Variants in ENTREP2 observed in about 807,000 individuals in gnomAD.
The protein encoded by ENTREP2 is endosomal transmembrane epsin interactor 2.
chr15:29,425,267 T>C, the ENTREP2 span, among the ~76,000 whole-genome samples: 4 of 151,982 alleles, frequency 2.6e-5, no homozygotes, highest in Admixed American at 2.6e-4. Context: ...CTCGATCTCC[T>C]GACCTCATCA....
the ENTREP2 span, among the ~76,000 whole-genome samples, chr15:29,573,389 T>C: frequency 6.6e-6 from 1 of 152,196 alleles, no homozygotes; most frequent in Non-Finnish European, 1.5e-5. Flanking sequence ...AATGAACAAT[T>C]CATGAATAAG....
the ENTREP2 span, among the ~76,000 whole-genome samples, chr15:29,628,490 G>A: frequency 6.6e-6 from 1 of 152,274 alleles, no homozygotes; most frequent in South Asian, 2.1e-4. Context: ...ATACTATGCT[G>A]TTGTCACTTA....
At chr15:29,264,406 A>G in the ENTREP2 span, among the ~76,000 whole-genome samples, 5 of 152,198 alleles carry the variant, frequency 3.3e-5, no homozygotes, top group African/African-American at 1.2e-4. Context: ...ACCTTAAAGG[A>G]GAAAACTCTG....
chr15:29,160,869 T>C, the ENTREP2 span, among the ~76,000 whole-genome samples: 2 of 152,200 alleles, frequency 1.3e-5, no homozygotes, highest in African/African-American at 4.8e-5. Flanking sequence ...TGGGAACCTA[T>C]TATCAGTCAA....
At chr15:29,261,848 A>G in the ENTREP2 span, among the ~76,000 whole-genome samples, 1 of 152,002 alleles carries the variant, frequency 6.6e-6, no homozygotes, top group Non-Finnish European at 1.5e-5. Context: ...TATGAGCAAT[A>G]TTGTAAAGAT....
the ENTREP2 span, among the ~76,000 whole-genome samples, chr15:29,632,622 A>C: frequency 6.6e-6 from 1 of 152,152 alleles, no homozygotes; most frequent in Admixed American, 6.6e-5. Flanking sequence ...TTTCTACTAA[A>C]AAAAATGCAA....
chr15:29,616,748 A>G, the ENTREP2 span, among the ~76,000 whole-genome samples: 1 of 152,200 alleles, frequency 6.6e-6, no homozygotes, highest in Non-Finnish European at 1.5e-5. Context: ...CTCCAGAGAA[A>G]CACACTCAAT....
the ENTREP2 span, among the ~76,000 whole-genome samples, chr15:29,600,504 G>GA: frequency 2.0e-5 from 3 of 151,974 alleles, no homozygotes; most frequent in Admixed American, 1.3e-4. Context: ...CATCATAGAT[G>GA]TGATGATGAT....
At chr15:29,657,073 A>G in the ENTREP2 span, among the ~76,000 whole-genome samples, 1 of 152,006 alleles carries the variant, frequency 6.6e-6, no homozygotes, top group Non-Finnish European at 1.5e-5. Context: ...TTTGAGACCG[A>G]GTCTCCCGCT....
the ENTREP2 span, among the ~76,000 whole-genome samples, chr15:29,647,601 AG>A: frequency 9.2e-5 from 14 of 152,328 alleles, no homozygotes; most frequent in African/African-American, 2.6e-4. Context: ...TTCTTTATTT[AG>A]AATGACTAAC....
chr15:29,574,719 G>A, the ENTREP2 span, among the ~76,000 whole-genome samples: 1 of 152,170 alleles, frequency 6.6e-6, no homozygotes, highest in Non-Finnish European at 1.5e-5. Context: ...CCACATGCTT[G>A]TTTCAGATTC....
At chr15:29,546,302 T>C in the ENTREP2 span, among the ~76,000 whole-genome samples, 1 of 152,128 alleles carries the variant, frequency 6.6e-6, no homozygotes, top group African/African-American at 2.4e-5. Context: ...CTGCAGACCC[T>C]GAGAACAAAA....
the ENTREP2 span, among the ~76,000 whole-genome samples, chr15:29,287,156 C>A: frequency 6.6e-6 from 1 of 152,124 alleles, no homozygotes; most frequent in African/African-American, 2.4e-5. Flanking sequence ...CCTTTTTAAG[C>A]CCTTAACCTT....
the ENTREP2 span, among the ~76,000 whole-genome samples, chr15:29,513,692 G>C: frequency 2.0e-5 from 3 of 152,178 alleles, no homozygotes; most frequent in Non-Finnish European, 4.4e-5. Context: ...TCTCACCCAT[G>C]ACTCTCTGTC....
At chr15:29,668,055 G>A in the ENTREP2 span, among the ~76,000 whole-genome samples, 1 of 152,108 alleles carries the variant, frequency 6.6e-6, no homozygotes, top group Non-Finnish European at 1.5e-5. Context: ...CTAGAAGGCA[G>A]AGAAAGGAAA....
At chr15:29,404,459 G>A in the ENTREP2 span, among the ~76,000 whole-genome samples, 53 of 151,858 alleles carry the variant, frequency 3.5e-4, 1 homozygote, top group African/African-American at 1.2e-3. Context: ...GTTCTGGGTC[G>A]CTGAGTCCCA....
chr15:29,364,161 G>A, the ENTREP2 span, among the ~76,000 whole-genome samples: 1 of 152,150 alleles, frequency 6.6e-6, no homozygotes, highest in African/African-American at 2.4e-5. Flanking sequence ...ATTTTACTAC[G>A]TCTTACGTTG....
At chr15:29,455,811 T>TCAG in the ENTREP2 span, among the ~76,000 whole-genome samples, 1 of 152,148 alleles carries the variant, frequency 6.6e-6, no homozygotes, top group Admixed American at 6.5e-5. Flanking sequence ...TCCTGTCAGA[T>TCAG]CAGCAGCAGC....
the ENTREP2 span, among the ~76,000 whole-genome samples, chr15:29,507,406 C>T: frequency 1.3e-5 from 2 of 152,176 alleles, no homozygotes; most frequent in Non-Finnish European, 2.9e-5. Flanking sequence ...ACCAAGCAGA[C>T]CTAATAGACA....
Sources: gnomAD v4.1 joint callset for allele counts (sites outside exome capture counted in the v4.1 genomes callset) on GRCh38, gnomAD v4.1.1 for gene constraint, MANE v1.5 for transcripts, NCBI Gene and HGNC (gene_info 2026-07-23, HGNC 2026-07-21) for gene names.